NHS: variants seen among roughly 807,000 people sequenced by gnomAD.
NHS encodes the protein actin remodeling regulator NHS.
NHS carries 5 observed loss-of-function variants against 72.5 expected under a neutral mutation model. The observed-to-expected ratio is 0.07, with a 90% confidence interval of 0.04 to 0.14. NHS has a LOEUF of 0.14. Among genes scored for constraint, NHS ranks in the 10% least tolerant of loss-of-function variants. The pLI, the probability that NHS is intolerant of heterozygous loss-of-function variation, is 1.00. For missense variants in NHS, 1,072 were observed against 1,355.7 expected, an observed-to-expected ratio of 0.79 and a Z score of 3.29; for synonymous variants, 464 against 547.7, an observed-to-expected ratio of 0.85 and a Z score of 2.13.
intron 3 of NHS, among the ~76,000 whole-genome samples, chrX:17,695,548 C>T (rs2066223585): frequency 9.0e-6 from 1 of 111,178 alleles, no homozygotes; most frequent in Non-Finnish European, 1.9e-5. Flanking sequence ...GGGGAAAAGG[C>T]TGGAAGGTTG....
intron 1 of NHS, among the ~76,000 whole-genome samples, chrX:17,582,759 T>A (rs2065550789): frequency 8.9e-6 from 1 of 112,924 alleles, no homozygotes; most frequent in South Asian, 3.7e-4. Context: ...TCAAGTCACT[T>A]GGCCTTCGTG....
intron 1 of NHS, among the ~76,000 whole-genome samples, chrX:17,453,999 CTA>C (rs994424225): frequency 8.9e-6 from 1 of 112,131 alleles, no homozygotes; most frequent in Non-Finnish European, 1.9e-5. Flanking sequence ...CATGGTATGT[CTA>C]TGTCTATGAG....
chrX:17,600,276 C>T (rs904424894), intron 1 of NHS, among the ~76,000 whole-genome samples: 3 of 96,247 alleles, frequency 3.1e-5, no homozygotes, highest in Non-Finnish European at 4.3e-5. Context: ...GCAGCTGAGA[C>T]AGAGAGAGAC....
intron 1 of NHS, among the ~76,000 whole-genome samples, chrX:17,633,426 T>C (rs1405362788): frequency 2.7e-5 from 3 of 112,194 alleles, no homozygotes; most frequent in African/African-American, 9.7e-5. Context: ...CCTAGAGCTG[T>C]TACATTCTAG....
At position 17,407,957 on chromosome X, in the gene NHS, A is replaced by T. The variant is rs537175439; in HGVS notation, c.565+31635A>T. ...GGAGCATTTGTTTCCCCATGCCCCT[A>T]CCCACCCCGTTATTTATTGATTCTG... On this transcript the variant is annotated intron_variant, in intron 1 of 8. Transcript: ENST00000676302. Among the ~76,000 whole-genome samples, 3 of 111,281 alleles carry T rather than the reference A, an allele frequency of 2.7e-5. No homozygotes were observed. In the South Asian group the frequency reaches 1.1e-3, roughly 43 times the overall value.
intron 1 of NHS, among the ~76,000 whole-genome samples, chrX:17,508,807 G>T (rs1414393869): frequency 1.8e-5 from 2 of 112,122 alleles, no homozygotes; most frequent in Non-Finnish European, 3.8e-5. Context: ...ATGTACTTTT[G>T]GGCTCCTTCT....
At chrX:17,657,969 A>T (rs1403899016) in intron 1 of NHS, among the ~76,000 whole-genome samples, 1 of 112,620 alleles carries the variant, frequency 8.9e-6, no homozygotes, top group Non-Finnish European at 1.9e-5. Flanking sequence ...TTGGGTGAGG[A>T]GCCTCTTCCT....
rs1487323699 is a variant in NHS, at chrX:17,731,875, T to A, written c.4367T>A (p.Leu1456His). 8.4e-7 allele frequency: 1 copy of A among 1,196,785 alleles called. No homozygotes were observed. Among genetic ancestry groups the A allele is most frequent in the African/African-American group, 1.8e-5 (1 of 56,412 alleles). Reference protein sequence around the residue: ...AVIHRSKRKVLGRKDSGDMSV... With the variant: ...AVIHRSKRKVHGRKDSGDMSV... The stretch of plus-strand genomic sequence containing the variant: ...TCTCAAAGATCCAAGAGGAAAGTAC[T>A]TGGAAGAAAAGATTCCGGGGACATG... Residue 1456 changes from leucine to histidine, a missense_variant, in exon 9 of 9, where the codon CTT becomes CAT. By Grantham distance (99) the Leu-to-His change is moderately conservative. Transcript: ENST00000676302.
chrX:17,510,851 T>G (rs1430509526), intron 1 of NHS, among the ~76,000 whole-genome samples: 4 of 112,645 alleles, frequency 3.6e-5, no homozygotes, highest in African/African-American at 1.3e-4. Flanking sequence ...TAAAGCAATA[T>G]TCTCCATCAT....
intron 1 of NHS, among the ~76,000 whole-genome samples, chrX:17,538,332 C>T (rs1569275887): frequency 9.0e-6 from 1 of 111,563 alleles, no homozygotes; most frequent in Non-Finnish European, 1.9e-5. Flanking sequence ...AGCAAATGCT[C>T]TTTGCTCAGG....
At chrX:17,600,575 C>T (rs1044719268) in intron 1 of NHS, among the ~76,000 whole-genome samples, 1 of 112,222 alleles carries the variant, frequency 8.9e-6, no homozygotes, top group African/African-American at 3.2e-5. Flanking sequence ...TTGCAGGAAA[C>T]TGTACAAATT....
At chrX:17,445,796 G>C (rs1471331908) in intron 1 of NHS, among the ~76,000 whole-genome samples, 2 of 96,270 alleles carry the variant, frequency 2.1e-5, no homozygotes, top group Non-Finnish European at 4.1e-5. Context: ...GAAGAGTGCT[G>C]TTTTTACCTA....
chrX:17,481,837 T>C (rs2064947174), intron 1 of NHS, among the ~76,000 whole-genome samples: 1 of 111,867 alleles, frequency 8.9e-6, no homozygotes, highest in Admixed American at 9.5e-5. Flanking sequence ...TCACCATAGA[T>C]TAATTTTTTC....
At chrX:17,637,881 A>G (rs897862313) in intron 1 of NHS, among the ~76,000 whole-genome samples, 3 of 112,056 alleles carry the variant, frequency 2.7e-5, no homozygotes, top group Non-Finnish European at 3.8e-5. Flanking sequence ...ACCCCTGCCA[A>G]ATTTCCCCAA....
chrX:17,657,866 G>A (rs1196910248), intron 1 of NHS, among the ~76,000 whole-genome samples: 1 of 112,875 alleles, frequency 8.9e-6, no homozygotes, highest in East Asian at 2.8e-4. Context: ...GGACAAAAGG[G>A]GCCAGGTGGC....
intron 1 of NHS, among the ~76,000 whole-genome samples, chrX:17,443,212 A>C (rs2064764191): frequency 8.9e-6 from 1 of 112,757 alleles, no homozygotes. Flanking sequence ...TTGTGACAAC[A>C]GAATGAGAAA....
At chrX:17,431,221 C>T (rs1237822649) in intron 1 of NHS, among the ~76,000 whole-genome samples, 1 of 111,625 alleles carries the variant, frequency 9.0e-6, no homozygotes, top group Non-Finnish European at 1.9e-5. Flanking sequence ...CCTCATTTTC[C>T]AGAGACTACT....
intron 1 of NHS, among the ~76,000 whole-genome samples, chrX:17,410,914 TTGTC>T (rs1271329555): frequency 8.9e-6 from 1 of 111,806 alleles, no homozygotes; most frequent in Non-Finnish European, 1.9e-5. Context: ...GCACACCATA[TTGTC>T]TTTGTGTGAA....
chrX:17,393,766 T>C (rs2146847432), intron 1 of NHS, among the ~76,000 whole-genome samples: 1 of 111,413 alleles, frequency 9.0e-6, no homozygotes, highest in South Asian at 3.8e-4. Context: ...GACAAAGAAG[T>C]GGGGAGGCCC....
Sources: allele counts gnomAD v4.1 joint callset (sites outside exome capture counted in the v4.1 genomes callset), GRCh38; gene constraint gnomAD v4.1.1; transcripts MANE v1.5; gene names NCBI Gene and HGNC (gene_info 2026-07-23, HGNC 2026-07-21).